Variants in FCHO2 observed in about 807,000 individuals in gnomAD.
FCHO2 encodes F-BAR domain only protein 2.
Under a neutral mutation model 114.1 loss-of-function variants are expected in FCHO2, and 43 were observed. The ratio of observed to expected loss-of-function variants is 0.38; its 90% CI spans 0.30 to 0.49. The LOEUF (loss-of-function observed/expected upper bound fraction) is 0.49. Among genes scored for constraint, FCHO2 ranks in the 20% least tolerant of loss-of-function variants. The pLI, the probability that FCHO2 is intolerant of heterozygous loss-of-function variation, is 0.97. For synonymous variants in FCHO2, 293 were observed against 315.2 expected, an observed-to-expected ratio of 0.93 and a Z score of 0.75; for missense variants, 807 against 950.4, an observed-to-expected ratio of 0.85 and a Z score of 1.98.
chr5:73,082,064 T>G, intron 23 of FCHO2, 82 bp downstream of exon 23: 5 of 1,312,968 alleles, frequency 3.8e-6, no homozygotes, highest in Non-Finnish European at 5.0e-6. Flanking sequence ...CTGTAAGTTT[T>G]CTTAGAAGTT....
At chr5:73,032,384 T>G (rs889808152) in intron 8 of FCHO2, among the ~76,000 whole-genome samples, 1 of 152,208 alleles carries the variant, frequency 6.6e-6, no homozygotes, top group Non-Finnish European at 1.5e-5. Context: ...AAATGTGTTT[T>G]TTTTGGACAT....
rs141751544 is a variant in FCHO2, at chr5:73,023,919, A to G, written c.796+6611A>G. 2.6e-3 allele frequency among the ~76,000 whole-genome samples: 390 copies of G among 152,274 alleles called. 1 individual carries two copies. The highest frequency in any genetic ancestry group is 8.9e-3 in the African/African-American group (371 of 41,538). Reference sequence around the variant, plus strand: ...TTGTCAACCTACTCATTTATTCTCTATGAAGAACTCAACAAATATACAGTT... The same window carrying G: ...TTGTCAACCTACTCATTTATTCTCTGTGAAGAACTCAACAAATATACAGTT... On this transcript the variant is annotated intron_variant, in intron 8 of 25. Coordinates refer to ENST00000430046, the MANE Select transcript of FCHO2 (RefSeq NM_138782.3).
intron 5 of FCHO2, among the ~76,000 whole-genome samples, chr5:72,996,631 G>A (rs1171538437): frequency 3.7e-5 from 5 of 135,982 alleles, no homozygotes; most frequent in South Asian, 2.4e-4. Flanking sequence ...ATCCTAGCCC[G>A]ACCTGTCTCG....
In FCHO2 at chr5:73,039,497, GTTA is replaced by G. The variant is rs548627432; in HGVS notation, c.915-1783_915-1781del. 2.2e-3 allele frequency among the ~76,000 whole-genome samples: 331 copies of G among 152,236 alleles called. 1 individual carries two copies. Among genetic ancestry groups the G allele is most frequent in the South Asian group, 4.1e-3 (20 of 4,828 alleles). On this transcript the variant is annotated intron_variant, in intron 10 of 25. Coordinates refer to ENST00000430046, the MANE Select transcript of FCHO2 (RefSeq NM_138782.3). ...TAATTTGATTCTCTAGAAGGATTGG[GTTA>G]TTATTATTATGCCTTTTCTGGAACA...
At chr5:73,081,721 C>T in intron 22 of FCHO2, 62 bp from the exon 23 acceptor site, 1 of 1,263,152 alleles carries the variant, frequency 7.9e-7, no homozygotes. Flanking sequence ...GTGTCCATGT[C>T]ATTAACATGA....
At chr5:73,052,588 G>C in intron 13 of FCHO2, 81 bp downstream of exon 13, 1 of 1,108,840 alleles carries the variant, frequency 9.0e-7, no homozygotes, top group Non-Finnish European at 1.3e-6. Context: ...ACATTACTTA[G>C]CAATTGTTAA....
intron 15 of FCHO2, chr5:73,055,141 T>A: frequency 3.3e-6 from 1 of 305,508 alleles, no homozygotes; most frequent in Non-Finnish European, 6.7e-6. Flanking sequence ...AGTAAATGAA[T>A]AATAAATACC....
chr5:73,039,549 T>C (rs1382336982), intron 10 of FCHO2, among the ~76,000 whole-genome samples: 1 of 152,240 alleles, frequency 6.6e-6, no homozygotes, highest in Admixed American at 6.5e-5. Context: ...TGCATAAGTT[T>C]AGAAAAATAT....
chr5:73,018,342 T>C (rs770850223), intron 8 of FCHO2, among the ~76,000 whole-genome samples: 2 of 152,166 alleles, frequency 1.3e-5, no homozygotes, highest in Non-Finnish European at 2.9e-5. Flanking sequence ...AGACGTTTCT[T>C]CTCCAATCTA....
chr5:73,060,597 C>G (rs1029927939), intron 17 of FCHO2, among the ~76,000 whole-genome samples: 3 of 152,050 alleles, frequency 2.0e-5, no homozygotes, highest in African/African-American at 7.2e-5. Flanking sequence ...CCCATCTTAA[C>G]ATCCTCTACC....
chr5:73,054,383 A>G, intron 14 of FCHO2, 142 bp from the exon 15 acceptor site: 1 of 862,964 alleles, frequency 1.2e-6, no homozygotes. Context: ...TTTTCTCTAT[A>G]TCTTTTATGT....
chr5:73,081,063 G>A (rs1162508527), intron 22 of FCHO2, among the ~76,000 whole-genome samples: 1 of 152,110 alleles, frequency 6.6e-6, no homozygotes, highest in African/African-American at 2.4e-5. Flanking sequence ...TGAGCCATGA[G>A]CATGCCACTA....
At chr5:73,033,335 A>G (rs1328776391) in intron 8 of FCHO2, among the ~76,000 whole-genome samples, 2 of 152,180 alleles carry the variant, frequency 1.3e-5, no homozygotes, top group African/African-American at 4.8e-5. Flanking sequence ...AGTAAATGTT[A>G]ATTTATTTTA....
chr5:72,986,199 T>G (rs1350964705), intron 2 of FCHO2, among the ~76,000 whole-genome samples: 1 of 151,984 alleles, frequency 6.6e-6, no homozygotes, highest in African/African-American at 2.4e-5. Context: ...TCCAAGGAGA[T>G]ATTAATTTTG....
At position 73,015,735 on chromosome 5, in the gene FCHO2, T is replaced by G. The variant is rs1015858396; in HGVS notation, c.699+11T>G. Reference sequence around the variant, plus strand: ...TTGCAGATAGGCCAGGTAAGTTTTTTTACTTTATGTTGAACTATTCATGAA... The same window carrying G: ...TTGCAGATAGGCCAGGTAAGTTTTTGTACTTTATGTTGAACTATTCATGAA... On this transcript the variant is annotated intron_variant, in intron 7 of 25. Transcript: ENST00000430046. The G allele has an allele frequency of 6.7e-7, 1 of 1,501,326 alleles. No individual in the cohort carries two copies. Among genetic ancestry groups the G allele is most frequent in the Non-Finnish European group, 9.0e-7 (1 of 1,114,216 alleles). 93.0% of individuals were successfully genotyped at this position (1,501,326 alleles called of 1,614,324 possible).
At chr5:73,016,770 G>A (rs995884592) in intron 7 of FCHO2, among the ~76,000 whole-genome samples, 1 of 152,094 alleles carries the variant, frequency 6.6e-6, no homozygotes, top group African/African-American at 2.4e-5. Flanking sequence ...GGTGGTGCAT[G>A]CCTATAGTCC....
At chr5:72,996,174 T>C (rs1038749890) in intron 5 of FCHO2, among the ~76,000 whole-genome samples, 7 of 145,076 alleles carry the variant, frequency 4.8e-5, no homozygotes, top group African/African-American at 1.8e-4. Context: ...ACCCGGGAGT[T>C]AGAGGTTGCA....
chr5:73,079,962 C>A (rs1219821518), intron 22 of FCHO2, among the ~76,000 whole-genome samples: 1 of 151,912 alleles, frequency 6.6e-6, no homozygotes, highest in Non-Finnish European at 1.5e-5. Context: ...TACAGAAGAC[C>A]TAAGTATGAT....
In FCHO2 at chr5:73,015,662, A is replaced by G. The variant is rs1755268389; in HGVS notation, c.637A>G (p.Ile213Val). 1.3e-6 allele frequency: 2 copies of G among 1,581,896 alleles called. No homozygotes were observed. Among genetic ancestry groups the G allele is most frequent in the African/African-American group, 1.4e-5 (1 of 72,716 alleles). ...TATTGAAGAAACTCATCTCATTCACATAAAGGAAATTATAGGATCCTTGTC... is the reference window on the plus strand; with the variant it reads ...TATTGAAGAAACTCATCTCATTCACGTAAAGGAAATTATAGGATCCTTGTC... Reference protein sequence around the residue: ...QDIEETHLIHIKEIIGSLSNA... With the variant: ...QDIEETHLIHVKEIIGSLSNA... Residue 213 changes from isoleucine to valine, a missense_variant, in exon 7 of 26, where the codon ATA (isoleucine) becomes GTA (valine). Transcript: ENST00000430046.
Sources: allele counts gnomAD v4.1 joint callset (sites outside exome capture counted in the v4.1 genomes callset), GRCh38; gene constraint gnomAD v4.1.1; transcripts MANE v1.5; gene names NCBI Gene and HGNC (gene_info 2026-07-23, HGNC 2026-07-21).